The following CDH9 variants were observed in gnomAD, a reference collection of about 807,000 sequenced individuals.
The protein encoded by CDH9 is cadherin-9.
In CDH9, 28 loss-of-function variants were observed where a neutral mutation model predicts 70.9. The ratio of observed to expected loss-of-function variants is 0.40; its 90% CI spans 0.29 to 0.54. The LOEUF is 0.54. CDH9 is among the 20% of genes least tolerant of loss of function. The probability of loss-of-function intolerance (pLI) is 0.59; values close to 1 mark genes in which losing one functional copy is unlikely to be tolerated. For synonymous variants in CDH9, 409 were observed against 343.1 expected, an observed-to-expected ratio of 1.19 and a Z score of -2.12; for missense variants, 874 against 984.4, an observed-to-expected ratio of 0.89 and a Z score of 1.50.
In CDH9 at chr5:26,944,616, G is replaced by A. The variant is rs139658499; in HGVS notation, c.229-28692C>T. On this transcript the variant is annotated intron_variant, in intron 2 of 11. Transcript: ENST00000231021. ...TGCAGTCAGCCATGATCCTGCCACT[G>A]CACTCCAGCCTGACAGAGTGAGACA... 6.3e-3 allele frequency among the ~76,000 whole-genome samples: 964 copies of A among 152,216 alleles called. 11 individuals are homozygous for A. Among genetic ancestry groups the A allele is most frequent in the African/African-American group, 0.022 (907 of 41,540 alleles).
At chr5:26,970,765 A>G (rs1379080501) in intron 2 of CDH9, among the ~76,000 whole-genome samples, 1 of 152,076 alleles carries the variant, frequency 6.6e-6, no homozygotes, top group Non-Finnish European at 1.5e-5. Flanking sequence ...CTTAAAAAAA[A>G]AAATCTCATT....
chr5:26,975,920 A>T (rs1742296982), intron 2 of CDH9, among the ~76,000 whole-genome samples: 1 of 152,196 alleles, frequency 6.6e-6, no homozygotes, highest in Non-Finnish European at 1.5e-5. Flanking sequence ...TAAGCCTGAG[A>T]CAGTGGTAAG....
chr5:27,007,622 A>G (rs1742888191), intron 1 of CDH9, among the ~76,000 whole-genome samples: 1 of 152,134 alleles, frequency 6.6e-6, no homozygotes, highest in Non-Finnish European at 1.5e-5. Flanking sequence ...ATGGACTATT[A>G]CATAGGAAAC....
chr5:26,921,869 CA>C (rs979848708), intron 2 of CDH9, among the ~76,000 whole-genome samples: 3 of 151,734 alleles, frequency 2.0e-5, no homozygotes, highest in African/African-American at 7.3e-5. Context: ...ATAAATTTAA[CA>C]AAGAGATTAA....
chr5:26,982,018 A>G (rs1175359488), intron 2 of CDH9, among the ~76,000 whole-genome samples: 1 of 152,050 alleles, frequency 6.6e-6, no homozygotes, highest in Non-Finnish European at 1.5e-5. Context: ...ACCCTTCTGA[A>G]GATAATGTCA....
chr5:27,018,363 T>C (rs1317957940), intron 1 of CDH9, among the ~76,000 whole-genome samples: 1 of 151,694 alleles, frequency 6.6e-6, no homozygotes, highest in African/African-American at 2.4e-5. Flanking sequence ...TAAATATATA[T>C]AAAATTCAGA....
At chr5:26,982,008 A>G (rs1742407936) in intron 2 of CDH9, among the ~76,000 whole-genome samples, 1 of 151,664 alleles carries the variant, frequency 6.6e-6, no homozygotes, top group Non-Finnish European at 1.5e-5. Flanking sequence ...CTCTCTCCAT[A>G]CCCTTCTGAA....
chr5:26,993,318 G>A (rs1242048716), intron 1 of CDH9, among the ~76,000 whole-genome samples: 1 of 152,146 alleles, frequency 6.6e-6, no homozygotes, highest in African/African-American at 2.4e-5. Context: ...TGGGAGCAGT[G>A]AAATAGAATA....
chr5:27,014,993 G>T (rs187223607), intron 1 of CDH9, among the ~76,000 whole-genome samples: 27 of 152,054 alleles, frequency 1.8e-4, no homozygotes, highest in African/African-American at 6.3e-4. Context: ...AAGGTGCTCA[G>T]TCTGTGCTTT....
chr5:26,977,886 T>C (rs1016763842), intron 2 of CDH9, among the ~76,000 whole-genome samples: 2 of 151,986 alleles, frequency 1.3e-5, no homozygotes, highest in Admixed American at 6.6e-5. Context: ...CACTTTGGGG[T>C]TTTCAGTGAA....
intron 1 of CDH9, among the ~76,000 whole-genome samples, chr5:27,013,509 G>A (rs899803619): frequency 6.6e-6 from 1 of 151,840 alleles, no homozygotes; most frequent in Non-Finnish European, 1.5e-5. Context: ...GTGGCTATTT[G>A]GCCATTGAAG....
intron 1 of CDH9, among the ~76,000 whole-genome samples, chr5:27,037,446 C>T (rs1443594459): frequency 6.6e-6 from 1 of 151,924 alleles, no homozygotes; most frequent in Non-Finnish European, 1.5e-5. Flanking sequence ...AACTTATCTA[C>T]TACAGTTAAT....
chr5:27,004,031 G>A (rs1406144980), intron 1 of CDH9, among the ~76,000 whole-genome samples: 10 of 143,110 alleles, frequency 7.0e-5, no homozygotes, highest in South Asian at 2.3e-4. Flanking sequence ...AGAAGAAGAA[G>A]AATAAAGCAA....
At chr5:26,986,215 C>T (rs534243116) in intron 2 of CDH9, among the ~76,000 whole-genome samples, 1 of 152,086 alleles carries the variant, frequency 6.6e-6, no homozygotes, top group South Asian at 2.1e-4. Flanking sequence ...CCCCAAACAT[C>T]TGATATTATA....
At chr5:27,024,818 T>A (rs1394931100) in intron 1 of CDH9, among the ~76,000 whole-genome samples, 5 of 151,990 alleles carry the variant, frequency 3.3e-5, no homozygotes, top group Non-Finnish European at 7.4e-5. Context: ...TATACTAGAG[T>A]TGATTTCTAC....
At chr5:26,949,351 A>G (rs1741806675) in intron 2 of CDH9, among the ~76,000 whole-genome samples, 1 of 152,202 alleles carries the variant, frequency 6.6e-6, no homozygotes, top group African/African-American at 2.4e-5. Flanking sequence ...TGCTGAGTTT[A>G]AAGCCAACTT....
At chr5:26,982,570 T>G (rs1335238898) in intron 2 of CDH9, among the ~76,000 whole-genome samples, 1 of 152,160 alleles carries the variant, frequency 6.6e-6, no homozygotes, top group Middle Eastern at 3.2e-3. Flanking sequence ...TTGTCAAAAA[T>G]TTGGGGAAAG....
rs935003662 is a variant in CDH9, at chr5:26,881,616, G to A, written c.1890C>T (p.Val630=). ...LLCVLILLIL[V]VLFAALKRQR... ...GCCTCTTCAATGCAGCAAACAACACGACTAAAACTATTAATAAGAAATGGG... is the reference window on the plus strand; with the variant it reads ...GCCTCTTCAATGCAGCAAACAACACAACTAAAACTATTAATAAGAAATGGG... Residue 630 remains valine (V), a synonymous_variant, in exon 12 of 12, where the codon GTC becomes GTT. Coordinates refer to ENST00000231021, the MANE Select transcript of CDH9 (RefSeq NM_016279.4). 1.1e-5 allele frequency: 18 copies of A among 1,601,678 alleles called. No individual in the cohort carries two copies. The highest frequency in any genetic ancestry group is 2.2e-5 in the South Asian group (2 of 88,928).
At chr5:26,979,365 A>G (rs1337035803) in intron 2 of CDH9, among the ~76,000 whole-genome samples, 1 of 151,752 alleles carries the variant, frequency 6.6e-6, no homozygotes, top group African/African-American at 2.4e-5. Flanking sequence ...AAAAACACAA[A>G]GAAGTATAGC....
Sources: allele counts gnomAD v4.1 joint callset (sites outside exome capture counted in the v4.1 genomes callset), GRCh38; gene constraint gnomAD v4.1.1; transcripts MANE v1.5; gene names NCBI Gene and HGNC (gene_info 2026-07-23, HGNC 2026-07-21).